DNAI7: variants seen among roughly 807,000 people sequenced by gnomAD.
DNAI7 encodes dynein axonemal intermediate chain 7, also known as cancer susceptibility 1.
In DNAI7, 78 loss-of-function variants were observed where a neutral mutation model predicts 86.6. The observed-to-expected ratio is 0.90, with a 90% CI of 0.75 to 1.09. DNAI7 has a LOEUF of 1.09. Among genes scored for constraint, DNAI7 ranks in the 50% least tolerant of loss-of-function variants. DNAI7 has a pLI of 0.00. For missense variants in DNAI7, 753 were observed against 810.2 expected, an observed-to-expected ratio of 0.93 and a Z score of 0.86; for synonymous variants, 274 against 273.0, an observed-to-expected ratio of 1.00 and a Z score of -0.04.
rs536993532 is a variant in DNAI7 at position 25,191,779 on chromosome 12, C to A, written c.4-1148G>T. Among the ~76,000 whole-genome samples the A allele has an allele frequency of 1.2e-4, 19 of 152,250 alleles. No individual in the cohort carries two copies. The East Asian group carries it at 3.3e-3, about 26-fold the overall frequency. ...TTCTATTCAGCAATGTGTTTTAAGG[C>A]AGATCTATTCTTTTCTGGAAATTAT... On this transcript the variant is annotated intron_variant, in intron 1 of 15. Coordinates refer to ENST00000395987, the MANE Select transcript of DNAI7 (RefSeq NM_018272.5).
intron 9 of DNAI7, among the ~76,000 whole-genome samples, chr12:25,137,644 A>G (rs1465654147): frequency 2.6e-5 from 4 of 152,194 alleles, no homozygotes; most frequent in Non-Finnish European, 4.4e-5. Context: ...GTTGTCTCCA[A>G]GAGACTCATC....
downstream of DNAI7, chr12:25,107,746 G>A: frequency 2.1e-6 from 3 of 1,433,464 alleles, no homozygotes; most frequent in East Asian, 2.3e-5. Flanking sequence ...CCTGACTGGT[G>A]GTGTTAGCAA....
intron 6 of DNAI7, among the ~76,000 whole-genome samples, chr12:25,150,375 C>T (rs1325850841): frequency 2.0e-5 from 3 of 151,966 alleles, no homozygotes; most frequent in African/African-American, 4.8e-5. Context: ...GAGGCCAAGG[C>T]GGGCAGATCA....
At chr12:25,182,605 TACAC>T (rs71065917) in intron 2 of DNAI7, among the ~76,000 whole-genome samples, 30 of 132,096 alleles carry the variant, frequency 2.3e-4, no homozygotes, top group African/African-American at 5.8e-4. Context: ...TGAGACTGTC[TACAC>T]ACACACACAC....
chr12:25,172,009 A>G (rs774996282), intron 2 of DNAI7, among the ~76,000 whole-genome samples: 20 of 152,184 alleles, frequency 1.3e-4, no homozygotes, highest in Non-Finnish European at 2.9e-4. Flanking sequence ...CCAACATAAT[A>G]CTGAATAAAG....
Position 25,119,316 on chromosome 12 carries a change from C to A in DNAI7, c.1240-15G>T. On this transcript the variant is annotated splice_polypyrimidine_tract_variant and intron_variant, in intron 11 of 15. Transcript: ENST00000395987. ...TCTTTGAGTATCTTTTTAAAATGAC[C>A]AAAACAACATCAAGTTAGTTGACTG... The A allele has an allele frequency of 6.4e-7, 1 of 1,571,220 alleles. No homozygotes were observed.
intron 1 of DNAI7, chr12:25,194,764 C>G: frequency 1.9e-5 from 18 of 927,048 alleles, no homozygotes; most frequent in Non-Finnish European, 3.0e-5. Context: ...GTGGGAACGT[C>G]TATCACTACT....
intron 5 of DNAI7, among the ~76,000 whole-genome samples, chr12:25,154,886 A>T (rs1765489777): frequency 6.6e-6 from 1 of 152,172 alleles, no homozygotes; most frequent in African/African-American, 2.4e-5. Context: ...CACATTTGTA[A>T]TCATATTGTA....
chr12:25,131,616 G>T (rs1942937293), intron 9 of DNAI7, among the ~76,000 whole-genome samples: 3 of 152,130 alleles, frequency 2.0e-5, no homozygotes, highest in Admixed American at 6.5e-5. Flanking sequence ...TGCAGAATCC[G>T]TAAAGGTAGC....
intron 2 of DNAI7, among the ~76,000 whole-genome samples, chr12:25,165,693 A>G (rs1279265104): frequency 2.0e-5 from 3 of 152,088 alleles, no homozygotes; most frequent in Admixed American, 6.6e-5. Context: ...CACAGTGGAG[A>G]GTAAGTCTGT....
intron 3 of DNAI7, among the ~76,000 whole-genome samples, chr12:25,159,943 T>A (rs1395679313): frequency 6.6e-6 from 1 of 152,182 alleles, no homozygotes; most frequent in Non-Finnish European, 1.5e-5. Flanking sequence ...ATCAGTTTTT[T>A]AACAAATAAA....
At chr12:25,163,863 CCTTCT>C (rs1179102431) in intron 2 of DNAI7, among the ~76,000 whole-genome samples, 5 of 152,312 alleles carry the variant, frequency 3.3e-5, no homozygotes, top group East Asian at 1.9e-4. Flanking sequence ...TCAATCTCTC[CCTTCT>C]CTTAATTTCA....
At chr12:25,147,475 G>GGCCCC (rs1237571245) in intron 7 of DNAI7, among the ~76,000 whole-genome samples, 2 of 65,702 alleles carry the variant, frequency 3.0e-5, no homozygotes, top group Non-Finnish European at 4.6e-5. Context: ...AACATAATGA[G>GGCCCC]ACCACCCCCA....
intron 9 of DNAI7, among the ~76,000 whole-genome samples, chr12:25,125,354 A>G (rs150583992): frequency 5.3e-5 from 8 of 152,130 alleles, no homozygotes; most frequent in African/African-American, 9.6e-5. Context: ...TTTGATTTAC[A>G]TTTCTCTAAT....
chr12:25,114,737 T>G lies in DNAI7; in HGVS notation c.1530A>C (p.Ser510=), dbSNP rs372543622. Residue 510 remains serine (S), a synonymous_variant, in exon 13 of 16, where the codon TCA becomes TCC. Transcript: ENST00000395987. ...TTACATCAAGTGGTCTTAGTTCCCA[T>G]GACTGGTACGGCATGTTAATATGAG... The part of the protein sequence containing the change: ...QDAHINMPYQ[S]WELRPLDVNK... The G allele has an allele frequency of 4.0e-5, 65 of 1,613,878 alleles. No homozygotes were observed. Among genetic ancestry groups the G allele is most frequent in the Non-Finnish European group, 5.3e-5 (62 of 1,179,896 alleles).
chr12:25,169,101 A>G (rs1947834904), intron 2 of DNAI7, among the ~76,000 whole-genome samples: 1 of 152,222 alleles, frequency 6.6e-6, no homozygotes, highest in South Asian at 2.1e-4. Context: ...ATAAGAAGAC[A>G]GGAATGTCAG....
At chr12:25,158,146 G>A (rs537036405) in intron 4 of DNAI7, among the ~76,000 whole-genome samples, 7 of 152,040 alleles carry the variant, frequency 4.6e-5, no homozygotes, top group East Asian at 3.9e-4. Flanking sequence ...GGAGAATGGC[G>A]TGAACCCAGG....
chr12:25,187,704 G>A (rs1950157669), intron 2 of DNAI7, among the ~76,000 whole-genome samples: 1 of 152,158 alleles, frequency 6.6e-6, no homozygotes, highest in Non-Finnish European at 1.5e-5. Flanking sequence ...GAAAAAGAGT[G>A]AGGTAATTTC....
At chr12:25,177,553 T>A (rs1949089767) in intron 2 of DNAI7, among the ~76,000 whole-genome samples, 1 of 152,244 alleles carries the variant, frequency 6.6e-6, no homozygotes. Context: ...TTTATCCTTT[T>A]TCTATTGCTA....
Sources: gnomAD v4.1 joint callset for allele counts (sites outside exome capture counted in the v4.1 genomes callset) on GRCh38, gnomAD v4.1.1 for gene constraint, MANE v1.5 for transcripts, NCBI Gene and HGNC (gene_info 2026-07-23, HGNC 2026-07-21) for gene names.